RIMKLB: variants seen among roughly 807,000 people sequenced by gnomAD.
The protein encoded by RIMKLB is beta-citrylglutamate synthase B.
A neutral mutation model predicts 32.0 loss-of-function variants in RIMKLB; 7 were observed. The ratio of observed to expected loss-of-function variants is 0.22; its 90% confidence interval spans 0.12 to 0.41. The LOEUF (loss-of-function observed/expected upper bound fraction) is 0.41. Among genes scored for constraint, RIMKLB ranks in the 10% least tolerant of loss-of-function variants. RIMKLB has a pLI of 1.00. For synonymous variants in RIMKLB, 172 were observed against 185.1 expected (o/e 0.93, Z 0.57); for missense variants, 289 against 498.7 (o/e 0.58, Z 4.00).
At chr12:8,769,360 A>G (rs1950226044) in intron 5 of RIMKLB, among the ~76,000 whole-genome samples, 2 of 151,998 alleles carry the variant, frequency 1.3e-5, no homozygotes. Context: ...GTATATATGG[A>G]TATATACTCT....
intron 5 of RIMKLB, among the ~76,000 whole-genome samples, chr12:8,763,563 G>A (rs952073138): frequency 2.6e-5 from 4 of 152,236 alleles, no homozygotes; most frequent in Non-Finnish European, 5.9e-5. Context: ...GGCTGGATAC[G>A]TTCCTCGCTG....
intron 2 of RIMKLB, 46 bp from the exon 3 acceptor site, chr12:8,749,816 G>T (rs1314561562): frequency 1.6e-6 from 2 of 1,238,678 alleles, no homozygotes; most frequent in Admixed American, 1.9e-5. Flanking sequence ...CTATTTTGTT[G>T]TATATTTCCC....
chr12:8,691,384 A>C (rs1329612514), intron 1 of RIMKLB, among the ~76,000 whole-genome samples: 1 of 151,952 alleles, frequency 6.6e-6, no homozygotes, highest in Non-Finnish European at 1.5e-5. Flanking sequence ...CAAGGCAGGC[A>C]GATCAACTGA....
At chr12:8,686,189 A>T (rs752678939) in intron 1 of RIMKLB, among the ~76,000 whole-genome samples, 36 of 152,050 alleles carry the variant, frequency 2.4e-4, no homozygotes, top group African/African-American at 8.0e-4. Context: ...TGATCCACTG[A>T]TCCACCCACC....
rs201727444 is a variant in RIMKLB, at chr12:8,773,697, G to T, written c.1074G>T (p.Thr358=). Residue 358 remains threonine (T), a synonymous_variant, in exon 6 of 6, where the codon ACG becomes ACT. Transcript: ENST00000535829. ...SSSVDSDPES[T]ERELLTKLPG... is the part of the protein sequence containing the mutation. ...CTGTTGACAGCGACCCTGAAAGCACGGAGCGAGAGCTGCTCACCAAGCTCC... is the reference window on the plus strand; with the variant it reads ...CTGTTGACAGCGACCCTGAAAGCACTGAGCGAGAGCTGCTCACCAAGCTCC... The T allele has an allele frequency of 5.6e-6, 9 of 1,614,118 alleles. No individual in the cohort carries two copies. Among genetic ancestry groups the T allele is most frequent in the Non-Finnish European group, 7.6e-6 (9 of 1,180,054 alleles).
chr12:8,726,532 T>C (rs1213145806), intron 2 of RIMKLB, among the ~76,000 whole-genome samples: 1 of 152,202 alleles, frequency 6.6e-6, no homozygotes, highest in South Asian at 2.1e-4. Flanking sequence ...ACACTTTCTT[T>C]TGGTTAGTGT....
At chr12:8,723,289 A>G (rs1398851711) in intron 2 of RIMKLB, among the ~76,000 whole-genome samples, 6 of 152,298 alleles carry the variant, frequency 3.9e-5, no homozygotes, top group South Asian at 4.1e-4. Context: ...AGGCCCAAGG[A>G]GAGGGAGAGA....
chr12:8,780,527 A>AAT (rs1950969951), downstream of RIMKLB: 1 of 152,210 alleles, frequency 6.6e-6, no homozygotes, highest in Admixed American at 6.5e-5. Flanking sequence ...TTTCTTATTT[A>AAT]ATCTGAATGG....
intron 2 of RIMKLB, among the ~76,000 whole-genome samples, chr12:8,749,246 G>C (rs1290111878): frequency 6.9e-6 from 1 of 144,552 alleles, no homozygotes; most frequent in Non-Finnish European, 1.5e-5. Context: ...GAGTCTCTCT[G>C]TGTCACCAGG....
chr12:8,689,887 C>T (rs1416958631), intron 1 of RIMKLB, among the ~76,000 whole-genome samples: 9 of 152,102 alleles, frequency 5.9e-5, no homozygotes, highest in East Asian at 1.9e-4. Context: ...CCCTCTTCTG[C>T]GCCCTCAAAG....
At chr12:8,737,255 T>TG (rs1276503615) in intron 2 of RIMKLB, among the ~76,000 whole-genome samples, 1 of 152,050 alleles carries the variant, frequency 6.6e-6, no homozygotes, top group African/African-American at 2.4e-5. Flanking sequence ...CATGACTTTT[T>TG]TTTTTTTTTT....
At chr12:8,680,402 G>A (rs1375623662), upstream of RIMKLB, among the ~76,000 whole-genome samples, 2 of 151,928 alleles carry the variant, frequency 1.3e-5, no homozygotes, top group East Asian at 3.9e-4. Flanking sequence ...CTCGTGATCC[G>A]CCTGCCTCAG....
intron 5 of RIMKLB, among the ~76,000 whole-genome samples, chr12:8,766,207 T>A (rs1327213544): frequency 1.3e-5 from 2 of 152,174 alleles, no homozygotes; most frequent in East Asian, 3.8e-4. Flanking sequence ...GCTTATTCCT[T>A]TCCAGGGTGT....
chr12:8,773,712 C>T lies in RIMKLB; in HGVS notation c.1089C>T (p.Leu363=), dbSNP rs1277840277. Reference sequence around the variant, plus strand: ...CTGAAAGCACGGAGCGAGAGCTGCTCACCAAGCTCCCAGGGGGCCTGTTCA... The same window carrying T: ...CTGAAAGCACGGAGCGAGAGCTGCTTACCAAGCTCCCAGGGGGCCTGTTCA... ...SDPESTEREL[L]TKLPGGLFNM... Residue 363 remains leucine, a synonymous_variant, in exon 6 of 6, where the codon CTC becomes CTT. Transcript: ENST00000535829. 9.3e-6 allele frequency: 15 copies of T among 1,614,140 alleles called. No individual in the cohort carries two copies. Among genetic ancestry groups the T allele is most frequent in the Non-Finnish European group, 1.3e-5 (15 of 1,180,056 alleles).
chr12:8,751,844 C>G (rs1284388240), intron 3 of RIMKLB, 113 bp from the exon 4 acceptor site: 4 of 674,446 alleles, frequency 5.9e-6, no homozygotes, highest in African/African-American at 1.8e-5. Flanking sequence ...AGTTAGCCAT[C>G]AGGCTCTTAC....
At chr12:8,759,336 AGTGAGCCAAGGTC>A (rs1400253902) in intron 5 of RIMKLB, among the ~76,000 whole-genome samples, 2 of 152,202 alleles carry the variant, frequency 1.3e-5, no homozygotes, top group Admixed American at 1.3e-4. Context: ...TAGAGGTTGC[AGTGAGCCAAGGTC>A]GTGTCACTGC....
At chr12:8,750,658 T>C (rs1043322369) in intron 3 of RIMKLB, among the ~76,000 whole-genome samples, 7 of 152,136 alleles carry the variant, frequency 4.6e-5, no homozygotes, top group African/African-American at 1.7e-4. Context: ...CTGTGGTAGA[T>C]TAATACTCAT....
intron 1 of RIMKLB, among the ~76,000 whole-genome samples, chr12:8,710,728 C>T (rs778245734): frequency 1.2e-4 from 18 of 152,254 alleles, no homozygotes; most frequent in Admixed American, 3.9e-4. Flanking sequence ...GTATCAGCAG[C>T]GGAACATTTC....
rs1445737752 is a variant in RIMKLB at position 8,715,228 on chromosome 12, C to CCTTTTTTTTTTTTTTTTTTT, written c.175+1187_175+1188insCTTTTTTTTTTTTTTTTTTT. 2.4e-5 allele frequency among the ~76,000 whole-genome samples: 3 copies of CCTTTTTTTTTTTTTTTTTTT among 123,738 alleles called. 1 individual carries two copies. Among genetic ancestry groups the CCTTTTTTTTTTTTTTTTTTT allele is most frequent in the African/African-American group, 9.9e-5 (3 of 30,320 alleles). 81.2% of individuals were successfully genotyped at this position (123,738 alleles called of 152,430 possible). ...GCTTAAATGGATAAGTGCTCTTGTT[C>CCTTTTTTTTTTTTTTTTTTT]TTTTTTTTTTTTTTTTTTGGAGACA... is the stretch of plus-strand genomic sequence containing the variant. On this transcript the variant is annotated intron_variant, in intron 2 of 5. Coordinates refer to ENST00000535829, the MANE Select transcript of RIMKLB (RefSeq NM_001297776.2).
Sources: gnomAD v4.1 joint callset for allele counts (sites outside exome capture counted in the v4.1 genomes callset) on GRCh38, gnomAD v4.1.1 for gene constraint, MANE v1.5 for transcripts, NCBI Gene and HGNC (gene_info 2026-07-23, HGNC 2026-07-21) for gene names.